ATPAF1: variants seen among roughly 807,000 people sequenced by gnomAD.
The protein encoded by ATPAF1 is homolog of yeast ATP11.
Under a neutral mutation model 43.9 loss-of-function variants are expected in ATPAF1, and 26 were observed. The observed-to-expected ratio is 0.59, with a 90% CI of 0.43 to 0.82. The LOEUF (loss-of-function observed/expected upper bound fraction) is 0.82. Among genes scored for constraint, ATPAF1 ranks in the 40% least tolerant of loss-of-function variants. ATPAF1 has a pLI of 0.00. For synonymous variants in ATPAF1, 157 were observed against 168.0 expected (o/e 0.93, Z 0.50); for missense variants, 366 against 435.0 (o/e 0.84, Z 1.41).
chr1:46,640,783 A>G (rs1675936274), intron 8 of ATPAF1, among the ~76,000 whole-genome samples: 1 of 152,234 alleles, frequency 6.6e-6, no homozygotes, highest in Non-Finnish European at 1.5e-5. Context: ...CTTGTCCTAG[A>G]CAACAATTTT....
At chr1:46,659,300 AAACTATC>A (rs2148824777) in intron 2 of ATPAF1, among the ~76,000 whole-genome samples, 1 of 152,348 alleles carries the variant, frequency 6.6e-6, no homozygotes, top group South Asian at 2.1e-4. Flanking sequence ...CTCTCTCAGT[AAACTATC>A]ATCTACTAGT....
intron 8 of ATPAF1, among the ~76,000 whole-genome samples, chr1:46,639,296 T>C (rs1675903233): frequency 1.3e-5 from 2 of 152,122 alleles, no homozygotes; most frequent in African/African-American, 4.8e-5. Flanking sequence ...ATTTTATGTC[T>C]CTCAGCATTT....
chr1:46,636,058 C>T (rs778188423), intron 8 of ATPAF1, 88 bp from the exon 9 acceptor site: 1 of 1,420,698 alleles, frequency 7.0e-7, no homozygotes, highest in East Asian at 2.3e-5. Context: ...GGGCCCTCGC[C>T]CAGGAGTCAC....
At chr1:46,652,152 C>T (rs1346301106) in intron 6 of ATPAF1, among the ~76,000 whole-genome samples, 1 of 149,768 alleles carries the variant, frequency 6.7e-6, no homozygotes, top group Non-Finnish European at 1.5e-5. Context: ...AACTATCACA[C>T]TGTACCCCAT....
rs139891270 is a variant in ATPAF1, at chr1:46,654,533, TA to T, written c.490-667del. Among the ~76,000 whole-genome samples, 772 of 124,498 alleles carry T rather than the reference TA, an allele frequency of 6.2e-3. 6 individuals are homozygous for T. The highest frequency in any genetic ancestry group is 0.03 in the African/African-American group (710 of 23,596). 81.7% of individuals were successfully genotyped at this position (124,498 alleles called of 152,430 possible). A position where few individuals can be genotyped will look rare whatever the true frequency, so the allele number is the denominator to read the frequency against. On this transcript the variant is annotated intron_variant, in intron 4 of 8. Coordinates refer to ENST00000574428, the Ensembl canonical transcript of ATPAF1. ...CTGGGCAATTTATTTATTTATTTATTATTATTATTATTATTATTATTATTAT... is the reference window on the plus strand; with the variant it reads ...CTGGGCAATTTATTTATTTATTTATTTTATTATTATTATTATTATTATTAT...
At chr1:46,633,188 T>C (rs1675781772), downstream of ATPAF1, 1 of 154,436 alleles carries the variant, frequency 6.5e-6, no homozygotes, top group Non-Finnish European at 1.4e-5. Flanking sequence ...AAAAGCACTT[T>C]AGGTGATGCT....
Position 46,668,246 on chromosome 1 carries a change from A to C in ATPAF1, c.77T>G (p.Leu26Arg). The change falls in exon 1 of 9, where the codon CTG becomes CGG. Residue 26 changes from leucine to arginine, a missense_variant. Physicochemically the swap from Leu to Arg is moderately radical, Grantham distance 102. This residue lies in a region of ATPAF1 where 186 missense variants were observed against 168.5 expected (regional missense o/e 1.10). Transcript: ENST00000574428. The surrounding 1 kb of genome is among the most constrained non-coding windows in gnomAD (Gnocchi z 4.4). ...CAGGGCGCGGCTGCGCACCGCGCAC[A>C]GGCCCCGGTAGAGACCGGCCACCTG... 1.3e-5 allele frequency: 18 copies of C among 1,363,304 alleles called. No individual in the cohort carries two copies. The highest frequency in any genetic ancestry group is 3.2e-5 in the East Asian group (1 of 30,856). 84.5% of individuals were successfully genotyped at this position (1,363,304 alleles called of 1,614,324 possible).
intron 2 of ATPAF1, chr1:46,665,019 A>G (rs1676463739): frequency 6.1e-6 from 3 of 490,310 alleles, no homozygotes; most frequent in African/African-American, 1.9e-5. Context: ...TGACCACCAG[A>G]CTGCTCCTCT....
intron 6 of ATPAF1, among the ~76,000 whole-genome samples, chr1:46,647,907 A>T (rs773669857): frequency 6.6e-6 from 1 of 152,202 alleles, no homozygotes; most frequent in Non-Finnish European, 1.5e-5. Context: ...GCTGTCAAGC[A>T]TATTTTCAGG....
At chr1:46,638,961 C>T (rs1316552582) in intron 8 of ATPAF1, among the ~76,000 whole-genome samples, 1 of 152,222 alleles carries the variant, frequency 6.6e-6, no homozygotes, top group Non-Finnish European at 1.5e-5. Context: ...GGGTCATTCT[C>T]TTTCCTCCAT....
upstream of ATPAF1, chr1:46,668,418 C>T (rs1676534190): frequency 1.7e-6 from 2 of 1,173,224 alleles, no homozygotes; most frequent in Non-Finnish European, 2.1e-6. This position sits in a 1 kb window ranked among gnomAD's most constrained non-coding sequence, Gnocchi z 4.4. Context: ...CGCGCCCGCG[C>T]TCCGGCACCG....
rs118030471 is a variant in ATPAF1 at position 46,659,419 on chromosome 1, C to T, written c.376-682G>A. Among the ~76,000 whole-genome samples the T allele has an allele frequency of 5.5e-3, 837 of 152,196 alleles. 11 individuals carry two copies. Among genetic ancestry groups the T allele is most frequent in the East Asian group, 0.033 (171 of 5,168 alleles). The stretch of plus-strand genomic sequence containing the variant: ...GTGCTCTGTCCTGACCTATTCCACA[C>T]TGAGCCATGGGAGAGGTAAGAAATG... On this transcript the variant is annotated intron_variant, in intron 2 of 8. Coordinates refer to ENST00000574428, the Ensembl canonical transcript of ATPAF1.
chr1:46,649,196 A>G (rs943706513), intron 6 of ATPAF1, among the ~76,000 whole-genome samples: 2 of 150,200 alleles, frequency 1.3e-5, no homozygotes, highest in African/African-American at 4.9e-5. Context: ...TACTTTTATG[A>G]TCTACTTTAA....
At chr1:46,633,881 T>C (rs1675792355), downstream of ATPAF1, 4 of 454,116 alleles carry the variant, frequency 8.8e-6, no homozygotes, top group African/African-American at 2.0e-5. Flanking sequence ...CCCCATCTGA[T>C]GTCAAAAATT....
At chr1:46,662,661 A>C (rs1230780765) in intron 2 of ATPAF1, among the ~76,000 whole-genome samples, 1 of 151,930 alleles carries the variant, frequency 6.6e-6, no homozygotes, top group Non-Finnish European at 1.5e-5. Flanking sequence ...TCCTGACCTT[A>C]AGTGATCTGC....
chr1:46,639,227 T>TACAC (rs1477516340), intron 8 of ATPAF1, among the ~76,000 whole-genome samples: 2 of 40,562 alleles, frequency 4.9e-5, no homozygotes, highest in Non-Finnish European at 2.3e-4. Context: ...ACCTTACATA[T>TACAC]ACACACATAC....
intron 8 of ATPAF1, among the ~76,000 whole-genome samples, chr1:46,639,539 T>C (rs1012910052): frequency 6.6e-6 from 1 of 152,228 alleles, no homozygotes; most frequent in Non-Finnish European, 1.5e-5. Context: ...GCTAGGTTTT[T>C]AAATATTCCA....
At position 46,636,111 on chromosome 1, in the gene ATPAF1, TG is replaced by T. The variant is rs1319957505; in HGVS notation, c.793-142del. The T allele has an allele frequency of 3.5e-6, 3 of 854,918 alleles. No individual in the cohort carries two copies. The African/African-American group carries it at 5.0e-5, about 14-fold the overall frequency. 53.0% of individuals were successfully genotyped at this position (854,918 alleles called of 1,614,324 possible). A position where few individuals can be genotyped will look rare whatever the true frequency, so the allele number is the denominator to read the frequency against. On this transcript the variant is annotated intron_variant, in intron 8 of 8. Coordinates refer to ENST00000574428, the Ensembl canonical transcript of ATPAF1. The stretch of plus-strand genomic sequence containing the variant: ...CTTAACTTCTTGAAGTCCCTAGTCT[TG>T]GTTAGGTGCCCCTTCTCTGTGTACC...
downstream of ATPAF1, chr1:46,633,858 C>T: frequency 2.2e-6 from 1 of 455,844 alleles, no homozygotes; most frequent in Non-Finnish European, 4.4e-6. Flanking sequence ...TAACTGGATA[C>T]CAATAAAAAC....
Sources: gnomAD v4.1 joint callset for allele counts (sites outside exome capture counted in the v4.1 genomes callset) on GRCh38, gnomAD v4.1.1 for gene constraint, gnomAD v4.1.1 regional missense constraint, Gnocchi (gnomAD v3.1) non-coding constraint, MANE v1.5 for transcripts, NCBI Gene and HGNC (gene_info 2026-07-23, HGNC 2026-07-21) for gene names.